The following ARVCF variants were observed in gnomAD, a reference collection of about 807,000 sequenced individuals.
The protein encoded by ARVCF is splicing regulator ARVCF.
ARVCF carries 66 observed loss-of-function variants against 90.9 expected under a neutral mutation model. The ratio of observed to expected loss-of-function variants is 0.73; its 90% CI spans 0.60 to 0.89. The LOEUF (loss-of-function observed/expected upper bound fraction) is 0.89. Ranked by LOEUF, ARVCF falls within the 40% of genes least tolerant of loss-of-function variation. The pLI, the probability that ARVCF is intolerant of heterozygous loss-of-function variation, is 0.00. For missense variants in ARVCF, 1,469 were observed against 1,382.3 expected, an observed-to-expected ratio of 1.06 and a Z score of -1.00; for synonymous variants, 653 against 603.4, an observed-to-expected ratio of 1.08 and a Z score of -1.21.
chr22:19,975,902 T>C (rs924347351), intron 10 of ARVCF, 145 bp from the exon 11 acceptor site: 25 of 768,948 alleles, frequency 3.3e-5, no homozygotes, highest in East Asian at 1.3e-4. Flanking sequence ...TGGAGCACCG[T>C]TGTCAGAGTT....
chr22:19,966,803 G>A (rs1942423954), downstream of ARVCF, among the ~76,000 whole-genome samples: 1 of 152,138 alleles, frequency 6.6e-6, no homozygotes, highest in African/African-American at 2.4e-5. Context: ...GGAGTGCAGT[G>A]GCGCGATCTT....
chr22:19,980,224 T>C lies in ARVCF; in HGVS notation c.915A>G (p.Ala305=). The change falls in exon 6 of 20, where the codon GCA becomes GCG. Residue 305 remains alanine, a synonymous_variant. Coordinates refer to ENST00000263207, the MANE Select transcript of ARVCF (RefSeq NM_001670.3). ...GLHTRAYEDT[A]DDGGELADER... ...CGTCCGCCAGCTCGCCGCCATCATCTGCTGTGTCCTCGTAGGCCCTGCACA... is the reference window on the plus strand; with the variant it reads ...CGTCCGCCAGCTCGCCGCCATCATCCGCTGTGTCCTCGTAGGCCCTGCACA... 6.5e-7 allele frequency: 1 copy of C among 1,537,124 alleles called. No individual in the cohort carries two copies. Among genetic ancestry groups the C allele is most frequent in the Non-Finnish European group, 8.8e-7 (1 of 1,142,524 alleles).
intron 2 of ARVCF, among the ~76,000 whole-genome samples, chr22:19,995,476 G>A (rs1944212769): frequency 6.6e-6 from 1 of 152,076 alleles, no homozygotes; most frequent in African/African-American, 2.4e-5. Flanking sequence ...AACCCTCTGG[G>A]GCAAACCATG....
At chr22:20,002,521 A>G (rs1944482313) in intron 2 of ARVCF, among the ~76,000 whole-genome samples, 1 of 152,242 alleles carries the variant, frequency 6.6e-6, no homozygotes, top group South Asian at 2.1e-4. Context: ...CAAAGTTAAC[A>G]TCGCTCTGAA....
At chr22:19,968,132 G>A (rs559196689), downstream of ARVCF, among the ~76,000 whole-genome samples, 6 of 152,300 alleles carry the variant, frequency 3.9e-5, no homozygotes, top group East Asian at 1.2e-3. Context: ...TGTCTCCAGG[G>A]ACCATACCAG....
chr22:19,975,650 C>A, intron 11 of ARVCF, 36 bp downstream of exon 11: 1 of 1,611,166 alleles, frequency 6.2e-7, no homozygotes, highest in Non-Finnish European at 8.5e-7. Flanking sequence ...GCCCAGACAT[C>A]CCCCAGTGGA....
chr22:19,979,276 G>A (rs1943343696), intron 6 of ARVCF, 196 bp from the exon 7 acceptor site: 2 of 635,372 alleles, frequency 3.1e-6, no homozygotes, highest in Non-Finnish European at 5.4e-6. Flanking sequence ...CCAAAGGGGA[G>A]GAGGTGCAGA....
chr22:19,975,470 G>A (rs919234811), intron 11 of ARVCF, among the ~76,000 whole-genome samples: 1 of 152,292 alleles, frequency 6.6e-6, no homozygotes, highest in East Asian at 1.9e-4. Flanking sequence ...CCCCAACCTT[G>A]CCTGACATGA....
At chr22:19,967,546 T>C (rs1437786303), downstream of ARVCF, 3 of 379,666 alleles carry the variant, frequency 7.9e-6, no homozygotes, top group East Asian at 2.2e-4. Context: ...CTCTGCAGCA[T>C]ACAGGCTGGA....
intron 3 of ARVCF, 93 bp from the exon 4 acceptor site, chr22:19,982,184 G>A: frequency 2.0e-6 from 3 of 1,518,666 alleles, no homozygotes; most frequent in South Asian, 1.2e-5. Context: ...CTCAGCTCAT[G>A]CTGGCCAGCA....
intron 2 of ARVCF, among the ~76,000 whole-genome samples, chr22:20,005,249 C>T (rs1944578740): frequency 6.6e-6 from 1 of 151,716 alleles, no homozygotes; most frequent in Admixed American, 6.6e-5. Context: ...GACATTTCTC[C>T]AAAGAAGATA....
intron 2 of ARVCF, among the ~76,000 whole-genome samples, chr22:19,993,695 T>C (rs1944114926): frequency 6.6e-6 from 1 of 152,000 alleles, no homozygotes; most frequent in Admixed American, 6.5e-5. Context: ...GCCCCAGAAG[T>C]TTACTTAGCC....
At chr22:19,983,172 C>T (rs1943594862) in intron 3 of ARVCF, among the ~76,000 whole-genome samples, 1 of 152,258 alleles carries the variant, frequency 6.6e-6, no homozygotes, top group Admixed American at 6.5e-5. Context: ...AGCTGAAACC[C>T]AAGCCCTGGT....
chr22:19,970,094 C>G lies in ARVCF; in HGVS notation c.*662G>C. 1.0e-6 allele frequency: 1 copy of G among 985,496 alleles called. No homozygotes were observed. The highest frequency in any genetic ancestry group is 1.2e-6 in the Non-Finnish European group (1 of 829,944). The allele number at this position is 985,496 out of a possible 1,614,324, so 61.0% of individuals were successfully genotyped here. A position where few individuals can be genotyped will look rare whatever the true frequency, so the allele number is the denominator to read the frequency against. ...GTGCTGCCCAGGCTCCAGGCAGATG[C>G]GGCAGCCCCGGCCCCAGCCAGCATG... is the stretch of plus-strand genomic sequence containing the variant. On this transcript the variant is annotated 3_prime_UTR_variant, in exon 20 of 20. Transcript: ENST00000263207.
At chr22:19,985,009 T>C (rs1943690613) in intron 3 of ARVCF, among the ~76,000 whole-genome samples, 1 of 152,264 alleles carries the variant, frequency 6.6e-6, no homozygotes, top group South Asian at 2.1e-4. Flanking sequence ...CCTGGATCCC[T>C]GTCTGGCCCC....
At chr22:20,016,235 C>A (rs928473411) in intron 1 of ARVCF, among the ~76,000 whole-genome samples, 2 of 152,234 alleles carry the variant, frequency 1.3e-5, no homozygotes, top group Non-Finnish European at 2.9e-5. Context: ...CAGCTAGGCG[C>A]CAAGCGTCGC....
chr22:19,987,277 G>T, intron 3 of ARVCF: 1 of 292,000 alleles, frequency 3.4e-6, no homozygotes, highest in South Asian at 1.6e-4. Flanking sequence ...GGCGTGGCGG[G>T]GGCCGGGGTG....
chr22:19,980,344 C>G lies in ARVCF; in HGVS notation c.897-102G>C, dbSNP rs530489436. 159 of 1,420,328 alleles carry G rather than the reference C, an allele frequency of 1.1e-4. 1 individual carries two copies. In the South Asian group the frequency reaches 2.3e-3, roughly 20 times the overall value. The allele number at this position is 1,420,328 out of a possible 1,614,324, so 88.0% of individuals were successfully genotyped here. On this transcript the variant is annotated intron_variant, in intron 5 of 19. Coordinates refer to ENST00000263207, the MANE Select transcript of ARVCF (RefSeq NM_001670.3). ...TCTTCAGGACTGCAAACTCACCCAG[C>G]AGCGCTGGGCTGAGAGCACCTGTAT...
intron 2 of ARVCF, among the ~76,000 whole-genome samples, chr22:19,998,957 C>T (rs901824106): frequency 2.1e-4 from 32 of 152,232 alleles, no homozygotes; most frequent in Admixed American, 2.0e-3. Flanking sequence ...AGCCACAACT[C>T]TGGGACAGGC....
Sources: gnomAD v4.1 joint callset for allele counts (sites outside exome capture counted in the v4.1 genomes callset) on GRCh38, gnomAD v4.1.1 for gene constraint, MANE v1.5 for transcripts, NCBI Gene and HGNC (gene_info 2026-07-23, HGNC 2026-07-21) for gene names.